CFAP95: variants seen among roughly 807,000 people sequenced by gnomAD.
CFAP95 encodes cilia- and flagella-associated protein 95.
At chr9:69,877,361 C>T in the CFAP95 span, among the ~76,000 whole-genome samples, 2 of 152,216 alleles carry the variant, frequency 1.3e-5, no homozygotes, top group East Asian at 1.9e-4. Context: ...TTCTACAAAA[C>T]ACCTTATTGG....
the CFAP95 span, among the ~76,000 whole-genome samples, chr9:69,880,245 T>C: frequency 6.6e-6 from 1 of 152,170 alleles, no homozygotes; most frequent in Non-Finnish European, 1.5e-5. Context: ...TCATTCTCTC[T>C]ATTATTTTTT....
chr9:69,841,470 G>A, the CFAP95 span, among the ~76,000 whole-genome samples: 2 of 151,998 alleles, frequency 1.3e-5, no homozygotes, highest in Non-Finnish European at 2.9e-5. Flanking sequence ...AGCATGAAGA[G>A]CCAAGCCACC....
chr9:69,858,617 T>C, the CFAP95 span, among the ~76,000 whole-genome samples: 120 of 152,236 alleles, frequency 7.9e-4, 2 homozygotes, highest in Middle Eastern at 3.4e-3. Flanking sequence ...AATCAAAAAA[T>C]AAGATGTCTT....
chr9:69,878,989 G>C, the CFAP95 span, among the ~76,000 whole-genome samples: 1 of 152,142 alleles, frequency 6.6e-6, no homozygotes, highest in Admixed American at 6.5e-5. Context: ...TATATGACCA[G>C]ATAGTGCGAG....
the CFAP95 span, among the ~76,000 whole-genome samples, chr9:69,830,824 ACT>A: frequency 6.6e-6 from 1 of 151,882 alleles, no homozygotes; most frequent in Non-Finnish European, 1.5e-5. Context: ...ATTTTAAAAA[ACT>A]TTTTTTTTCT....
chr9:69,882,275 T>G, the CFAP95 span, among the ~76,000 whole-genome samples: 1 of 152,198 alleles, frequency 6.6e-6, no homozygotes, highest in Non-Finnish European at 1.5e-5. Context: ...ATGCCTGATC[T>G]GCCACTGATT....
At chr9:69,843,596 T>TCTC in the CFAP95 span, among the ~76,000 whole-genome samples, 7 of 67,410 alleles carry the variant, frequency 1.0e-4, no homozygotes, top group Admixed American at 1.6e-4. Context: ...TTCTTCTTCT[T>TCTC]CTTCTTCTTC....
the CFAP95 span, among the ~76,000 whole-genome samples, chr9:69,836,729 A>G: frequency 1.2e-5 from 1 of 83,270 alleles, no homozygotes; most frequent in East Asian, 3.2e-4. Flanking sequence ...TTATTTATTT[A>G]TTTATTTTTT....
the CFAP95 span, among the ~76,000 whole-genome samples, chr9:69,833,421 C>G: frequency 6.6e-6 from 1 of 152,214 alleles, no homozygotes; most frequent in Non-Finnish European, 1.5e-5. Flanking sequence ...AGGCTGGTCT[C>G]AAACTCCTGA....
At chr9:69,853,702 G>A in the CFAP95 span, among the ~76,000 whole-genome samples, 1 of 152,178 alleles carries the variant, frequency 6.6e-6, no homozygotes, top group Non-Finnish European at 1.5e-5. Flanking sequence ...TTGCCTACAT[G>A]CAACAGACAC....
At chr9:69,894,258 C>T in the CFAP95 span, among the ~76,000 whole-genome samples, 1 of 152,204 alleles carries the variant, frequency 6.6e-6, no homozygotes, top group African/African-American at 2.4e-5. Context: ...CTAAGAACCA[C>T]ATTTCCTAGG....
At chr9:69,856,771 A>G in the CFAP95 span, 1 of 677,808 alleles carries the variant, frequency 1.5e-6, no homozygotes, top group African/African-American at 1.8e-5. Flanking sequence ...TCCACACTAA[A>G]GGAACATATC....
At chr9:69,880,425 C>T in the CFAP95 span, among the ~76,000 whole-genome samples, 2 of 152,072 alleles carry the variant, frequency 1.3e-5, no homozygotes, top group South Asian at 4.2e-4. Flanking sequence ...TTTTTTTGTG[C>T]CTGGCTTATT....
chr9:69,854,813 G>T, the CFAP95 span, among the ~76,000 whole-genome samples: 1 of 152,124 alleles, frequency 6.6e-6, no homozygotes, highest in African/African-American at 2.4e-5. Flanking sequence ...GCAGTGGCTG[G>T]GTTTCTGTTA....
the CFAP95 span, among the ~76,000 whole-genome samples, chr9:69,821,852 A>G: frequency 2.2e-3 from 341 of 151,616 alleles, 1 homozygote; most frequent in African/African-American, 7.6e-3. Flanking sequence ...AGAGGATTTT[A>G]TTTCTCTGGG....
At chr9:69,842,985 T>C in the CFAP95 span, among the ~76,000 whole-genome samples, 1 of 151,832 alleles carries the variant, frequency 6.6e-6, no homozygotes, top group Non-Finnish European at 1.5e-5. Flanking sequence ...CCAGTGGGGG[T>C]GGGGAAGGAA....
the CFAP95 span, among the ~76,000 whole-genome samples, chr9:69,849,907 T>G: frequency 6.6e-6 from 1 of 152,212 alleles, no homozygotes; most frequent in South Asian, 2.1e-4. Flanking sequence ...TTACCTGGAC[T>G]TTATTCAGGT....
chr9:69,889,730 A>C, the CFAP95 span, among the ~76,000 whole-genome samples: 1 of 152,130 alleles, frequency 6.6e-6, no homozygotes, highest in Admixed American at 6.6e-5. Context: ...GGGGGATGGC[A>C]GGCAAGAAGA....
the CFAP95 span, among the ~76,000 whole-genome samples, chr9:69,880,548 T>A: frequency 1.3e-5 from 2 of 152,240 alleles, no homozygotes; most frequent in African/African-American, 4.8e-5. Context: ...ATTTTCTCTA[T>A]CCATTCACCT....
Sources: gnomAD v4.1 joint callset for allele counts (sites outside exome capture counted in the v4.1 genomes callset) on GRCh38, gnomAD v4.1.1 for gene constraint, MANE v1.5 for transcripts, NCBI Gene and HGNC (gene_info 2026-07-23, HGNC 2026-07-21) for gene names.